The following PALM2AKAP2 variants were observed in gnomAD, a reference collection of about 807,000 sequenced individuals.
The protein encoded by PALM2AKAP2 is PALM2 and AKAP2 fusion, also known as PALM2-AKAP2 fusion protein.
PALM2AKAP2 carries 37 observed loss-of-function variants against 71.5 expected under a neutral mutation model. The ratio of observed to expected loss-of-function variants is 0.52; its 90% CI spans 0.40 to 0.68. The LOEUF (loss-of-function observed/expected upper bound fraction) is 0.68, where lower values mean the gene tolerates loss of function less well. Among genes scored for constraint, PALM2AKAP2 ranks in the 30% least tolerant of loss-of-function variants. The pLI, the probability that PALM2AKAP2 is intolerant of heterozygous loss-of-function variation, is 0.00. For missense variants in PALM2AKAP2, 1,224 were observed against 1,191.8 expected (o/e 1.03, Z -0.40); for synonymous variants, 468 against 478.8 (o/e 0.98, Z 0.29).
At chr9:110,155,512 C>T (rs908690996) in intron 2 of PALM2AKAP2, among the ~76,000 whole-genome samples, 1 of 152,178 alleles carries the variant, frequency 6.6e-6, no homozygotes, top group African/African-American at 2.4e-5. Context: ...AGTCACCACA[C>T]CACTGTTGAA....
chr9:109,944,101 C>G (rs1831445619), intron 6 of PALM2AKAP2: 1 of 152,578 alleles, frequency 6.6e-6, no homozygotes, highest in African/African-American at 2.4e-5. Context: ...ACCTGCCCAT[C>G]AGCGGTTGTC....
At chr9:109,809,593 T>G (rs1236887358) in intron 1 of PALM2AKAP2, among the ~76,000 whole-genome samples, 2 of 152,238 alleles carry the variant, frequency 1.3e-5, no homozygotes, top group Non-Finnish European at 2.9e-5. Context: ...GACTTTGGAC[T>G]GTGGACTTTT....
intron 6 of PALM2AKAP2, among the ~76,000 whole-genome samples, chr9:109,984,958 T>A (rs1180000022): frequency 6.6e-6 from 1 of 152,128 alleles, no homozygotes; most frequent in African/African-American, 2.4e-5. Flanking sequence ...GTGGATCACC[T>A]GAGGTCAGGA....
intron 6 of PALM2AKAP2, among the ~76,000 whole-genome samples, chr9:109,988,689 G>A (rs1030004730): frequency 4.0e-5 from 6 of 150,314 alleles, no homozygotes; most frequent in Admixed American, 4.0e-4. Flanking sequence ...GGAAAGGAAG[G>A]GCGGGAGGAG....
At chr9:109,746,702 A>T (rs2118700074) in intron 1 of PALM2AKAP2, among the ~76,000 whole-genome samples, 1 of 152,278 alleles carries the variant, frequency 6.6e-6, no homozygotes, top group South Asian at 2.1e-4. Context: ...TAAATGCTTT[A>T]GATCTACTGT....
chr9:109,938,750 C>T (rs114234641), intron 6 of PALM2AKAP2, among the ~76,000 whole-genome samples: 3,331 of 152,152 alleles, frequency 0.022, 71 homozygotes, highest in African/African-American at 0.056. Context: ...GGACCTTGGC[C>T]GGGTGCGGTA....
intron 6 of PALM2AKAP2, among the ~76,000 whole-genome samples, chr9:110,013,301 A>G (rs761059492): frequency 1.6e-4 from 24 of 152,354 alleles, no homozygotes; most frequent in Non-Finnish European, 2.8e-4. Flanking sequence ...CTCCCACAGC[A>G]GGAGAGGAGG....
chr9:109,920,345 A>G (rs1830798912), intron 3 of PALM2AKAP2, among the ~76,000 whole-genome samples: 1 of 151,764 alleles, frequency 6.6e-6, no homozygotes, highest in Non-Finnish European at 1.5e-5. Context: ...GGGAGGAAGG[A>G]AGGGAATATT....
chr9:109,833,831 C>T (rs574133512), intron 1 of PALM2AKAP2, among the ~76,000 whole-genome samples: 44 of 152,344 alleles, frequency 2.9e-4, no homozygotes, highest in African/African-American at 9.4e-4. Context: ...TTGAGAGCCT[C>T]TGTCCGGTTT....
At chr9:110,036,230 A>G (rs1833407827) in intron 7 of PALM2AKAP2, among the ~76,000 whole-genome samples, 1 of 152,146 alleles carries the variant, frequency 6.6e-6, no homozygotes, top group South Asian at 2.1e-4. Context: ...CCACTGCACC[A>G]GGCCCTGTGC....
At chr9:109,642,844 C>CTTT (rs11446176) in intron 1 of PALM2AKAP2, among the ~76,000 whole-genome samples, 1 of 139,514 alleles carries the variant, frequency 7.2e-6, no homozygotes, top group African/African-American at 2.7e-5. Context: ...CATGCCCAGT[C>CTTT]TTTTTTTTTT....
rs183444526 is a variant in PALM2AKAP2, at chr9:109,988,578, G to A, written c.497-27376G>A. Reference sequence around the variant, plus strand: ...GAGGGAGGGAGGAAGGAGGAAGGAAGGAAAAAAGGAAGAAAGGAAGGAAGG... The same window carrying A: ...GAGGGAGGGAGGAAGGAGGAAGGAAAGAAAAAAGGAAGAAAGGAAGGAAGG... On this transcript the variant is annotated intron_variant, in intron 6 of 9. Coordinates refer to the PALM2AKAP2 transcript ENST00000302798. 1.7e-4 allele frequency among the ~76,000 whole-genome samples: 12 copies of A among 69,178 alleles called. No homozygotes were observed. In the East Asian group the frequency reaches 2.9e-3, roughly 17 times the overall value. 45.4% of individuals were successfully genotyped at this position (69,178 alleles called of 152,430 possible). A position where few individuals can be genotyped will look rare whatever the true frequency, so the allele number is the denominator to read the frequency against.
At chr9:110,142,850 TTTA>T (rs1431887532) in intron 2 of PALM2AKAP2, among the ~76,000 whole-genome samples, 1 of 152,126 alleles carries the variant, frequency 6.6e-6, no homozygotes, top group Non-Finnish European at 1.5e-5. Context: ...GACTTTAGAG[TTTA>T]CCCTATGGTC....
intron 1 of PALM2AKAP2, among the ~76,000 whole-genome samples, chr9:110,103,503 C>T (rs913727335): frequency 9.9e-5 from 15 of 152,156 alleles, no homozygotes; most frequent in Non-Finnish European, 2.1e-4. Context: ...ACTTTTAGGC[C>T]ATTCTTAGTG....
chr9:109,657,641 T>C (rs1355443053), intron 1 of PALM2AKAP2, among the ~76,000 whole-genome samples: 1 of 152,152 alleles, frequency 6.6e-6, no homozygotes, highest in Admixed American at 6.5e-5. Flanking sequence ...ACAGGTTGAT[T>C]GCCTTGAGGG....
chr9:109,815,988 C>T (rs148392151), intron 1 of PALM2AKAP2, among the ~76,000 whole-genome samples: 1 of 152,236 alleles, frequency 6.6e-6, no homozygotes, highest in East Asian at 1.9e-4. Flanking sequence ...GGTTATTAGC[C>T]TTTTTATGTA....
At chr9:109,917,637 T>G (rs1434221058) in intron 3 of PALM2AKAP2, among the ~76,000 whole-genome samples, 1 of 151,996 alleles carries the variant, frequency 6.6e-6, no homozygotes, top group Non-Finnish European at 1.5e-5. Context: ...TAAGGGTATA[T>G]GTCACCATGC....
At position 110,162,129 on chromosome 9, in the gene PALM2AKAP2, C is replaced by T. The variant is rs369142190; in HGVS notation, c.2748+5632C>T. On this transcript the variant is annotated intron_variant, in intron 3 of 3. Coordinates refer to ENST00000374525, the Ensembl canonical transcript of PALM2AKAP2. ...AGTTACTGTCTTGCAAGGTGACTTC[C>T]GAGGTACTTTTCAATTTGTTTGTCT... is the stretch of plus-strand genomic sequence containing the variant. 1.7e-5 allele frequency: 27 copies of T among 1,613,948 alleles called. No homozygotes were observed. The South Asian group carries it at 1.8e-4, about 11-fold the overall frequency.
chr9:109,851,879 A>G (rs1829030959), intron 1 of PALM2AKAP2, among the ~76,000 whole-genome samples: 1 of 152,150 alleles, frequency 6.6e-6, no homozygotes, highest in African/African-American at 2.4e-5. Context: ...GGTCACCTCT[A>G]TTAGTGGGTA....
Sources: gnomAD v4.1 joint callset for allele counts (sites outside exome capture counted in the v4.1 genomes callset) on GRCh38, gnomAD v4.1.1 for gene constraint, MANE v1.5 for transcripts, NCBI Gene and HGNC (gene_info 2026-07-23, HGNC 2026-07-21) for gene names.